The following SLC35D4 variants were observed in gnomAD, a reference collection of about 807,000 sequenced individuals.
SLC35D4 encodes UDP-N-acetylglucosamine transporter SLC35D4.
chr18:23,336,135 T>A, the SLC35D4 span, among the ~76,000 whole-genome samples: 1 of 152,156 alleles, frequency 6.6e-6, no homozygotes, highest in Non-Finnish European at 1.5e-5. Flanking sequence ...CATTTCTCTA[T>A]GAATTATTTT....
chr18:23,313,610 G>T, the SLC35D4 span, among the ~76,000 whole-genome samples: 1 of 152,120 alleles, frequency 6.6e-6, no homozygotes, highest in Non-Finnish European at 1.5e-5. Context: ...GAGCATCATT[G>T]CCACCTCCCC....
the SLC35D4 span, among the ~76,000 whole-genome samples, chr18:23,411,761 T>C: frequency 1.3e-5 from 2 of 152,092 alleles, no homozygotes; most frequent in Non-Finnish European, 2.9e-5. Context: ...CTAAGAACCC[T>C]GATGAACAAA....
chr18:23,418,349 A>AATTATTATTATT, the SLC35D4 span, among the ~76,000 whole-genome samples: 604 of 142,582 alleles, frequency 4.2e-3, 2 homozygotes, highest in Middle Eastern at 0.011. Context: ...GAGAAGCCAA[A>AATTATTATTATT]ATTATTATTA....
chr18:23,428,290 G>A, the SLC35D4 span, among the ~76,000 whole-genome samples: 5 of 152,080 alleles, frequency 3.3e-5, no homozygotes, highest in African/African-American at 9.7e-5. Context: ...TGGATCATAT[G>A]CATAAGAAAA....
the SLC35D4 span, among the ~76,000 whole-genome samples, chr18:23,265,024 C>T: frequency 6.6e-6 from 1 of 150,600 alleles, no homozygotes; most frequent in East Asian, 1.9e-4. Context: ...GAGGGATCCA[C>T]CCCCATGACC....
chr18:23,436,319 C>T, the SLC35D4 span, among the ~76,000 whole-genome samples: 1,964 of 4,184 alleles, frequency 0.47, 18 homozygotes, highest in Middle Eastern at 0.5. Flanking sequence ...TGAGCCACCA[C>T]GCCCGGGCCA....
At chr18:23,359,597 T>C in the SLC35D4 span, among the ~76,000 whole-genome samples, 15 of 152,088 alleles carry the variant, frequency 9.9e-5, no homozygotes, top group Admixed American at 9.2e-4. Flanking sequence ...CGAGACTAAC[T>C]GATATTTGAA....
the SLC35D4 span, among the ~76,000 whole-genome samples, chr18:23,417,671 TA>T: frequency 6.6e-6 from 1 of 152,218 alleles, no homozygotes; most frequent in Non-Finnish European, 1.5e-5. Context: ...GTTAAAATGG[TA>T]AATCTTATGT....
the SLC35D4 span, among the ~76,000 whole-genome samples, chr18:23,240,067 G>A: frequency 3.3e-5 from 5 of 152,204 alleles, 1 homozygote; most frequent in Admixed American, 3.3e-4. Flanking sequence ...GCAGTGAGCT[G>A]AGATTGTGCC....
the SLC35D4 span, among the ~76,000 whole-genome samples, chr18:23,285,049 T>C: frequency 6.6e-6 from 1 of 152,238 alleles, no homozygotes; most frequent in African/African-American, 2.4e-5. Context: ...TCATATCCCC[T>C]GTGACCTGCA....
At chr18:23,241,211 G>A in the SLC35D4 span, among the ~76,000 whole-genome samples, 2 of 152,130 alleles carry the variant, frequency 1.3e-5, no homozygotes, top group South Asian at 4.1e-4. Context: ...ATGTGTGTCA[G>A]TAGATTTTTT....
the SLC35D4 span, among the ~76,000 whole-genome samples, chr18:23,298,728 A>G: frequency 6.6e-6 from 1 of 152,206 alleles, no homozygotes; most frequent in Non-Finnish European, 1.5e-5. Flanking sequence ...TCTGGTGACT[A>G]TCTGAATCCC....
chr18:23,390,085 C>T, the SLC35D4 span, among the ~76,000 whole-genome samples: 1 of 152,204 alleles, frequency 6.6e-6, no homozygotes, highest in Non-Finnish European at 1.5e-5. Flanking sequence ...GTGTCAGACA[C>T]TGTACCACTT....
the SLC35D4 span, among the ~76,000 whole-genome samples, chr18:23,393,082 A>AT: frequency 6.6e-6 from 1 of 151,854 alleles, no homozygotes; most frequent in African/African-American, 2.4e-5. Context: ...TGCCAGGATA[A>AT]TTTTTTGTAT....
chr18:23,302,020 A>G, the SLC35D4 span, among the ~76,000 whole-genome samples: 1 of 152,248 alleles, frequency 6.6e-6, no homozygotes, highest in African/African-American at 2.4e-5. Context: ...CTTGGATACA[A>G]TATTTTGAAG....
the SLC35D4 span, chr18:23,296,323 T>G: frequency 6.6e-6 from 1 of 151,206 alleles, no homozygotes; most frequent in Non-Finnish European, 1.5e-5. Flanking sequence ...TGTTGTTGTT[T>G]TTGAGACTGT....
the SLC35D4 span, among the ~76,000 whole-genome samples, chr18:23,276,379 C>T: frequency 1.1e-4 from 16 of 151,852 alleles, no homozygotes; most frequent in African/African-American, 2.7e-4. Flanking sequence ...TGAGCCACCG[C>T]GCCCAGCCAG....
At chr18:23,311,865 C>G in the SLC35D4 span, among the ~76,000 whole-genome samples, 1 of 150,840 alleles carries the variant, frequency 6.6e-6, no homozygotes, top group East Asian at 2.0e-4. Context: ...CTGAAGTTAA[C>G]TATGTTGTTA....
chr18:23,318,671 G>A, the SLC35D4 span, among the ~76,000 whole-genome samples: 1 of 152,014 alleles, frequency 6.6e-6, no homozygotes, highest in African/African-American at 2.4e-5. Context: ...GATTTATAAT[G>A]AGCTTCCAAT....
Sources: gnomAD v4.1 joint callset for allele counts (sites outside exome capture counted in the v4.1 genomes callset) on GRCh38, gnomAD v4.1.1 for gene constraint, MANE v1.5 for transcripts, NCBI Gene and HGNC (gene_info 2026-07-23, HGNC 2026-07-21) for gene names.